DMD: variants seen among roughly 807,000 people sequenced by gnomAD.
DMD encodes the protein mutant dystrophin.
A neutral mutation model predicts 330.1 loss-of-function variants in DMD; 63 were observed. That is an observed-to-expected ratio of 0.19 (90% CI 0.16 to 0.24). The LOEUF is 0.24. DMD is among the 10% of genes least tolerant of loss of function. The probability of loss-of-function intolerance (pLI) is 1.00; values close to 1 mark genes in which losing one functional copy is unlikely to be tolerated. For missense variants in DMD, 3,344 were observed against 2,684.1 expected (o/e 1.25, Z -5.43); for synonymous variants, 1,223 against 959.8 (o/e 1.27, Z -5.07).
intron 18 of DMD, among the ~76,000 whole-genome samples, chrX:32,509,440 A>G (rs912012112): frequency 1.8e-5 from 2 of 111,796 alleles, no homozygotes; most frequent in Non-Finnish European, 3.8e-5. Flanking sequence ...AAAAAGGAAG[A>G]TAACTGTCCT....
At chrX:33,130,997 G>A (rs1002234138) in intron 1 of DMD, among the ~76,000 whole-genome samples, 2 of 111,843 alleles carry the variant, frequency 1.8e-5, no homozygotes, top group East Asian at 2.8e-4. Flanking sequence ...TTGGAGCTCA[G>A]AGAGGTTTTT....
chrX:32,723,589 C>T (rs1429834221), intron 7 of DMD, among the ~76,000 whole-genome samples: 1 of 111,134 alleles, frequency 9.0e-6, no homozygotes, highest in Non-Finnish European at 1.9e-5. Flanking sequence ...TCGATAACTG[C>T]TTAGTATGAT....
intron 1 of DMD, among the ~76,000 whole-genome samples, chrX:33,024,414 C>T (rs1175872931): frequency 9.0e-6 from 1 of 111,660 alleles, no homozygotes; most frequent in Non-Finnish European, 1.9e-5. Flanking sequence ...GAAAACTGTT[C>T]CCTGGAGATG....
At chrX:31,297,545 C>T (rs909144191) in intron 62 of DMD, among the ~76,000 whole-genome samples, 1 of 111,920 alleles carries the variant, frequency 8.9e-6, no homozygotes, top group Non-Finnish European at 1.9e-5. Context: ...ACATTGAAAT[C>T]TTTTCATCAT....
intron 2 of DMD, among the ~76,000 whole-genome samples, chrX:32,982,915 C>A (rs1267596598): frequency 8.9e-6 from 1 of 112,093 alleles, no homozygotes; most frequent in African/African-American, 3.2e-5. Flanking sequence ...TCCACAGATA[C>A]CTGTGAAGGA....
At chrX:31,404,907 T>C (rs2061343578) in intron 60 of DMD, among the ~76,000 whole-genome samples, 1 of 111,667 alleles carries the variant, frequency 9.0e-6, no homozygotes, top group South Asian at 3.7e-4. Flanking sequence ...GTGCAGAGAG[T>C]GCGAACAGAA....
intron 60 of DMD, among the ~76,000 whole-genome samples, chrX:31,350,484 C>T (rs1028869734): frequency 9.0e-6 from 1 of 111,605 alleles, no homozygotes; most frequent in Non-Finnish European, 1.9e-5. Flanking sequence ...CCTTTCTCTT[C>T]GAATGTCTCC....
intron 9 of DMD, among the ~76,000 whole-genome samples, chrX:32,657,839 C>G (rs185558943): frequency 1.3e-3 from 142 of 111,432 alleles, no homozygotes; most frequent in Non-Finnish European, 2.5e-3. Context: ...TCAAATACGT[C>G]TCATGGAAAA....
intron 51 of DMD, among the ~76,000 whole-genome samples, chrX:31,771,615 C>T (rs1032905577): frequency 4.6e-5 from 5 of 109,574 alleles, no homozygotes; most frequent in Admixed American, 2.0e-4. Context: ...GATTCTCCTG[C>T]CTCAGCCTCC....
At chrX:32,312,941 C>CAAAAAAAAA (rs1171543953) in intron 41 of DMD, among the ~76,000 whole-genome samples, 4 of 19,195 alleles carry the variant, frequency 2.1e-4, no homozygotes, top group Non-Finnish European at 4.3e-4. Flanking sequence ...AGCCTACGAA[C>CAAAAAAAAA]CAAAAAAAAA....
intron 59 of DMD, among the ~76,000 whole-genome samples, chrX:31,454,502 A>G (rs1258443647): frequency 9.0e-6 from 1 of 111,573 alleles, no homozygotes; most frequent in Non-Finnish European, 1.9e-5. Flanking sequence ...ACATGTGTTA[A>G]CCACCATTGT....
At chrX:31,309,859 T>C (rs1367726373) in intron 62 of DMD, among the ~76,000 whole-genome samples, 3 of 111,885 alleles carry the variant, frequency 2.7e-5, no homozygotes, top group Admixed American at 9.5e-5. Flanking sequence ...ATTACAAAAA[T>C]AGAAAAACGT....
chrX:31,775,740 T>C (rs2090615888), intron 50 of DMD, among the ~76,000 whole-genome samples: 1 of 111,782 alleles, frequency 8.9e-6, no homozygotes, highest in Non-Finnish European at 1.9e-5. Context: ...CATTAATTTT[T>C]ATGGCTATGT....
At chrX:32,093,263 G>A in intron 44 of DMD, among the ~76,000 whole-genome samples, 1 of 111,902 alleles carries the variant, frequency 8.9e-6, no homozygotes, top group Non-Finnish European at 1.9e-5. Flanking sequence ...TCCACTGATG[G>A]ACGTTTAGGT....
intron 2 of DMD, among the ~76,000 whole-genome samples, chrX:32,853,143 TA>T (rs1254470122): frequency 1.8e-5 from 2 of 111,916 alleles, no homozygotes; most frequent in African/African-American, 3.2e-5. Flanking sequence ...ACAAGAAAGA[TA>T]AAGACCTTCC....
At chrX:32,847,794 T>C (rs1489517412) in intron 3 of DMD, among the ~76,000 whole-genome samples, 2 of 112,529 alleles carry the variant, frequency 1.8e-5, no homozygotes, top group East Asian at 5.6e-4. Flanking sequence ...TATTTTTTTC[T>C]TTAATGCTAT....
intron 54 of DMD, among the ~76,000 whole-genome samples, chrX:31,631,166 G>A (rs1010274711): frequency 5.4e-5 from 6 of 111,057 alleles, no homozygotes; most frequent in Non-Finnish European, 1.1e-4. Context: ...GGCAAGCTGT[G>A]TTTTAACAAG....
chrX:32,861,361 T>C (rs1000070509), intron 2 of DMD, among the ~76,000 whole-genome samples: 1 of 111,562 alleles, frequency 9.0e-6, no homozygotes, highest in Admixed American at 9.5e-5. Flanking sequence ...TCTGGTATGG[T>C]ACCTAGCATA....
At chrX:31,226,495 G>A (rs1423164539) in intron 63 of DMD, among the ~76,000 whole-genome samples, 1 of 111,854 alleles carries the variant, frequency 8.9e-6, no homozygotes, top group Non-Finnish European at 1.9e-5. Flanking sequence ...TATACAGATT[G>A]CTTCTTGAAG....
Sources: gnomAD v4.1 joint callset for allele counts (sites outside exome capture counted in the v4.1 genomes callset) on GRCh38, gnomAD v4.1.1 for gene constraint, MANE v1.5 for transcripts, NCBI Gene and HGNC (gene_info 2026-07-23, HGNC 2026-07-21) for gene names.